The following TOX2 variants were observed in gnomAD, a reference collection of about 807,000 sequenced individuals.
TOX2 encodes the protein granulosa cell HMG box 1.
In TOX2, 15 loss-of-function variants were observed where a neutral mutation model predicts 47.4. That is an observed-to-expected ratio of 0.32 (90% CI 0.21 to 0.49). The LOEUF is 0.49. Among genes scored for constraint, TOX2 ranks in the 20% least tolerant of loss-of-function variants. The probability of loss-of-function intolerance (pLI) is 0.99; values close to 1 mark genes in which losing one functional copy is unlikely to be tolerated. For missense variants in TOX2, 622 were observed against 673.1 expected (o/e 0.92, Z 0.84); for synonymous variants, 290 against 296.6 (o/e 0.98, Z 0.23).
chr20:43,986,512 C>T (rs1246479979), intron 2 of TOX2, among the ~76,000 whole-genome samples: 2 of 152,026 alleles, frequency 1.3e-5, no homozygotes, highest in South Asian at 4.2e-4. Flanking sequence ...GAACTCCTGA[C>T]CTCAAGTGAT....
At chr20:43,965,990 T>C (rs2069845269) in intron 1 of TOX2, among the ~76,000 whole-genome samples, 1 of 152,160 alleles carries the variant, frequency 6.6e-6, no homozygotes, top group African/African-American at 2.4e-5. Flanking sequence ...GATAAGGGGA[T>C]AGGAGTTGAT....
intron 4 of TOX2, among the ~76,000 whole-genome samples, chr20:44,053,170 G>C (rs2145758861): frequency 6.6e-6 from 1 of 152,262 alleles, no homozygotes; most frequent in East Asian, 1.9e-4. Context: ...TGAGGTCTGT[G>C]GTGGGCATCC....
At chr20:44,019,107 ACTG>A (rs1274711922) in intron 3 of TOX2, among the ~76,000 whole-genome samples, 2 of 152,268 alleles carry the variant, frequency 1.3e-5, no homozygotes, top group East Asian at 1.9e-4. Flanking sequence ...TGACTGACTG[ACTG>A]AAAAATGAAT....
Position 44,065,844 on chromosome 20 carries a change from C to T in TOX2, c.1093C>T (p.Arg365Cys), listed in dbSNP as rs142650311. 6.1e-5 allele frequency: 98 copies of T among 1,613,798 alleles called. No homozygotes were observed. The African/African-American group carries it at 9.6e-4, about 16-fold the overall frequency. The change falls in exon 7 of 9, where the codon CGC (arginine) becomes TGC (cysteine). Residue 365 changes from arginine to cysteine, a missense_variant. Arg to Cys is a radical substitution (Grantham distance 180). Transcript: ENST00000341197. ...GACGCCGTCGGACCTGCAGGCCTTCCGCAGTGGGGCCTCCCCTGCCAGCCT... is the reference window on the plus strand; with the variant it reads ...GACGCCGTCGGACCTGCAGGCCTTCTGCAGTGGGGCCTCCCCTGCCAGCCT... Reference protein sequence around the residue: ...FLTPSDLQAFRSGASPASLAR... With the variant: ...FLTPSDLQAFCSGASPASLAR...
Position 44,068,608 on chromosome 20 carries a change from G to A in TOX2, c.1485-42G>A. 4 of 1,593,494 alleles carry A rather than the reference G, an allele frequency of 2.5e-6. No homozygotes were observed. In the Middle Eastern group the frequency reaches 5.2e-4, roughly 207 times the overall value. On this transcript the variant is annotated intron_variant, in intron 8 of 8. Transcript: ENST00000341197. ...GGTCCTGGTGCTCCCCTGGCCCGGA[G>A]AGGTACCCAACAGCTTTGACAGCCC...
intron 3 of TOX2, among the ~76,000 whole-genome samples, chr20:44,015,035 G>A (rs568934684): frequency 6.6e-6 from 1 of 152,210 alleles, no homozygotes; most frequent in South Asian, 2.1e-4. Context: ...CATCTTAGTC[G>A]AAGCAGGGGG....
intron 3 of TOX2, among the ~76,000 whole-genome samples, chr20:44,049,874 T>C (rs1476087494): frequency 6.6e-6 from 1 of 152,252 alleles, no homozygotes; most frequent in Non-Finnish European, 1.5e-5. Flanking sequence ...TACCACATTT[T>C]CTTTCAGTCT....
intron 1 of TOX2, among the ~76,000 whole-genome samples, chr20:43,925,955 C>T (rs888620476): frequency 6.6e-6 from 1 of 152,204 alleles, no homozygotes; most frequent in African/African-American, 2.4e-5. Context: ...GAGCTCACTT[C>T]CTCCTGCTGC....
intron 3 of TOX2, among the ~76,000 whole-genome samples, chr20:44,010,896 G>T (rs1362105489): frequency 6.6e-6 from 1 of 152,168 alleles, no homozygotes; most frequent in Non-Finnish European, 1.5e-5. Flanking sequence ...AAGTCCAGAA[G>T]CAGTCTCCTT....
rs747103362 is a variant in TOX2, at chr20:44,065,862, G to A, written c.1111G>A (p.Ala371Thr). 1.9e-6 allele frequency: 3 copies of A among 1,613,620 alleles called. No homozygotes were observed. Among genetic ancestry groups the A allele is most frequent in the Non-Finnish European group, 2.5e-6 (3 of 1,179,692 alleles). The change falls in exon 7 of 9, where the codon GCC becomes ACC. Residue 371 changes from alanine to threonine, a missense_variant. Around this residue, in one of 3 missense-constraint regions of TOX2, gnomAD observed 294 missense variants for 300.0 expected, o/e 0.98. Transcript: ENST00000341197. ...GGCCTTCCGCAGTGGGGCCTCCCCT[G>A]CCAGCCTCGCCCGGACGCTGGGCTC... ...LQAFRSGASP[A>T]SLARTLGSKS...
chr20:43,952,332 CT>C (rs1372166904), intron 1 of TOX2, among the ~76,000 whole-genome samples: 2 of 152,204 alleles, frequency 1.3e-5, no homozygotes, highest in African/African-American at 2.4e-5. Flanking sequence ...GCCACTGCCC[CT>C]GGCCTAAACT....
At chr20:43,993,744 A>C (rs900604349) in intron 2 of TOX2, among the ~76,000 whole-genome samples, 1 of 152,362 alleles carries the variant, frequency 6.6e-6, no homozygotes, top group African/African-American at 2.4e-5. Context: ...CAGAGACCAT[A>C]TGACTCACAA....
intron 2 of TOX2, among the ~76,000 whole-genome samples, chr20:44,006,069 G>A (rs2070674567): frequency 6.6e-6 from 1 of 152,214 alleles, no homozygotes; most frequent in Admixed American, 6.5e-5. Flanking sequence ...TGGGCTGAGT[G>A]TTGGGAGCAC....
chr20:44,055,521 A>C (rs887724022), intron 5 of TOX2, among the ~76,000 whole-genome samples: 1 of 152,208 alleles, frequency 6.6e-6, no homozygotes, highest in Admixed American at 6.5e-5. Flanking sequence ...TACCCATGGC[A>C]GAGACGGAGC....
chr20:44,005,778 G>T (rs2070668705), intron 2 of TOX2, among the ~76,000 whole-genome samples: 1 of 152,144 alleles, frequency 6.6e-6, no homozygotes. Flanking sequence ...CCACCAGGAG[G>T]TCCCTCAGCT....
intron 1 of TOX2, among the ~76,000 whole-genome samples, chr20:43,949,018 G>A (rs2069515542): frequency 6.6e-6 from 1 of 152,154 alleles, no homozygotes; most frequent in Non-Finnish European, 1.5e-5. Flanking sequence ...GGGGGGATTG[G>A]TGTAGAAAGG....
chr20:44,034,437 C>T (rs1218026326), intron 3 of TOX2, among the ~76,000 whole-genome samples: 3 of 152,166 alleles, frequency 2.0e-5, no homozygotes, highest in Non-Finnish European at 4.4e-5. Context: ...TAAGAATCCT[C>T]AGGGAATGTT....
At chr20:44,032,892 T>C (rs1030755294) in intron 3 of TOX2, among the ~76,000 whole-genome samples, 1 of 152,224 alleles carries the variant, frequency 6.6e-6, no homozygotes, top group Non-Finnish European at 1.5e-5. Flanking sequence ...CATAACACGA[T>C]GATCAGTATC....
chr20:44,045,512 A>G (rs1600777405), intron 3 of TOX2, among the ~76,000 whole-genome samples: 2 of 152,168 alleles, frequency 1.3e-5, no homozygotes, highest in Admixed American at 1.3e-4. Flanking sequence ...TGCATGTGTG[A>G]AAGTTCTTTA....
Sources: gnomAD v4.1 joint callset for allele counts (sites outside exome capture counted in the v4.1 genomes callset) on GRCh38, gnomAD v4.1.1 for gene constraint, gnomAD v4.1.1 regional missense constraint, MANE v1.5 for transcripts, NCBI Gene and HGNC (gene_info 2026-07-23, HGNC 2026-07-21) for gene names.